The following DIS3L2 variants were observed in gnomAD, a reference collection of about 807,000 sequenced individuals.
DIS3L2 encodes the protein DIS3-like exonuclease 2.
In DIS3L2, 34 loss-of-function variants were observed where a neutral mutation model predicts 97.5. The ratio of observed to expected loss-of-function variants is 0.35; its 90% CI spans 0.27 to 0.46. DIS3L2 has a LOEUF of 0.46. Ranked by LOEUF, DIS3L2 falls within the 20% of genes least tolerant of loss-of-function variation. The probability of loss-of-function intolerance (pLI) is 1.00; values close to 1 mark genes in which losing one functional copy is unlikely to be tolerated. For missense variants in DIS3L2, 1,038 were observed against 1,146.0 expected (o/e 0.91, Z 1.36); for synonymous variants, 435 against 445.2 (o/e 0.98, Z 0.29).
In DIS3L2 at chr2:232,218,423, G is replaced by A. The variant is rs562578600; in HGVS notation, c.1204+8018G>A. Among the ~76,000 whole-genome samples, 136 of 152,294 alleles carry A rather than the reference G, an allele frequency of 8.9e-4. 2 individuals carry two copies. Among genetic ancestry groups the A allele is most frequent in the African/African-American group, 3.0e-3 (126 of 41,554 alleles). Reference sequence around the variant, plus strand: ...TCTTCAGTAATTCTCAGCCTCCGAGGTGTGGGAACAGAGGTTGCAGTGATC... The same window carrying A: ...TCTTCAGTAATTCTCAGCCTCCGAGATGTGGGAACAGAGGTTGCAGTGATC... On this transcript the variant is annotated intron_variant, in intron 10 of 20. Transcript: ENST00000325385.
At chr2:232,266,533 G>A (rs1358141745) in intron 13 of DIS3L2, among the ~76,000 whole-genome samples, 5 of 152,142 alleles carry the variant, frequency 3.3e-5, no homozygotes, top group African/African-American at 9.7e-5. Context: ...TTGATTCCTT[G>A]GTTCCCCCGA....
intron 3 of DIS3L2, among the ~76,000 whole-genome samples, chr2:232,019,459 G>A (rs1694451976): frequency 6.6e-6 from 1 of 151,970 alleles, no homozygotes; most frequent in Admixed American, 6.6e-5. Flanking sequence ...GAGGCAGGAG[G>A]ATCGCTTGAG....
At chr2:232,294,684 C>T (rs1203584632) in intron 13 of DIS3L2, among the ~76,000 whole-genome samples, 1 of 152,180 alleles carries the variant, frequency 6.6e-6, no homozygotes, top group East Asian at 1.9e-4. Context: ...ACACTCCTCT[C>T]CTTGACCTCT....
At chr2:232,282,803 C>CGGACCA (rs1222042703) in intron 13 of DIS3L2, among the ~76,000 whole-genome samples, 1 of 152,208 alleles carries the variant, frequency 6.6e-6, no homozygotes. Flanking sequence ...CTGTGCTAAG[C>CGGACCA]AGAGAGCACT....
intron 1 of DIS3L2, chr2:231,978,387 C>G (rs865898598): frequency 1.3e-5 from 2 of 152,204 alleles, no homozygotes; most frequent in Non-Finnish European, 2.9e-5. Flanking sequence ...TGACACTAAT[C>G]AAATGGAATC....
chr2:232,330,551 T>A, intron 15 of DIS3L2, 139 bp from the exon 16 acceptor site: 402 of 733,476 alleles, frequency 5.5e-4, no homozygotes, highest in East Asian at 7.7e-4. Context: ...TCCCCACCCA[T>A]CCCCTCTGAG....
At chr2:231,964,738 C>T (rs1476206968) in intron 1 of DIS3L2, among the ~76,000 whole-genome samples, 1 of 152,146 alleles carries the variant, frequency 6.6e-6, no homozygotes, top group African/African-American at 2.4e-5. Flanking sequence ...CAGCATTATA[C>T]ACTTTAAAGG....
Position 232,292,272 on chromosome 2 carries a change from T to C in DIS3L2, c.1660-7768T>C, listed in dbSNP as rs1694624083. ...TTACCTAGGACATTGTTTCTGCCCC[T>C]AAGTTCTCCCTAAAGTGCCATCCCC... is the stretch of plus-strand genomic sequence containing the variant. On this transcript the variant is annotated intron_variant, in intron 13 of 20. Coordinates refer to ENST00000325385, the MANE Select transcript of DIS3L2 (RefSeq NM_152383.5). The surrounding 1 kb of genome is among the most constrained non-coding windows in gnomAD (Gnocchi z 4.4). Among the ~76,000 whole-genome samples the C allele has an allele frequency of 6.6e-6, 1 of 152,186 alleles. No homozygotes were observed. The highest frequency in any genetic ancestry group is 2.4e-5 in the African/African-American group (1 of 41,456).
Position 232,292,567 on chromosome 2 carries a change from C to T in DIS3L2, c.1660-7473C>T, listed in dbSNP as rs776158332. Among the ~76,000 whole-genome samples, 22 of 152,352 alleles carry T rather than the reference C, an allele frequency of 1.4e-4. No individual in the cohort carries two copies. Among genetic ancestry groups the T allele is most frequent in the Non-Finnish European group, 2.6e-4 (18 of 68,030 alleles). On this transcript the variant is annotated intron_variant, in intron 13 of 20. Coordinates refer to ENST00000325385, the MANE Select transcript of DIS3L2 (RefSeq NM_152383.5). The surrounding 1 kb of genome is among the most constrained non-coding windows in gnomAD (Gnocchi z 4.4). ...AACTCATCCAGGCTCCTAGAGCTCA[C>T]CCACGCGATTCTCTTAAGGCCAGTT...
chr2:232,193,207 C>T (rs1457896607), intron 9 of DIS3L2, among the ~76,000 whole-genome samples: 1 of 152,234 alleles, frequency 6.6e-6, no homozygotes, highest in African/African-American at 2.4e-5. Flanking sequence ...AATGTAAGGA[C>T]AGACAACCTA....
chr2:232,113,504 C>T (rs3100596), intron 6 of DIS3L2, among the ~76,000 whole-genome samples: 121,168 of 152,174 alleles, frequency 0.8, 48,821 homozygotes, highest in African/African-American at 0.89. Context: ...TCTTAGGGTC[C>T]ACACCTATTC....
At chr2:232,122,250 C>T (rs982533003) in intron 6 of DIS3L2, among the ~76,000 whole-genome samples, 7 of 152,188 alleles carry the variant, frequency 4.6e-5, no homozygotes. Flanking sequence ...TGTGTTTTAG[C>T]CCCTGTGGCA....
chr2:232,030,993 G>T (rs773942645), intron 5 of DIS3L2, among the ~76,000 whole-genome samples: 1 of 152,064 alleles, frequency 6.6e-6, no homozygotes, highest in Non-Finnish European at 1.5e-5. Context: ...GGGCTTTTAG[G>T]CTAGGCTACT....
At chr2:232,000,876 T>TTTTG (rs1553599773) in intron 1 of DIS3L2, among the ~76,000 whole-genome samples, 4 of 151,500 alleles carry the variant, frequency 2.6e-5, no homozygotes, top group South Asian at 2.1e-4. Flanking sequence ...TTCCTTTTTT[T>TTTTG]TTTGTTTGTT....
chr2:232,123,965 G>T (rs568571183), intron 6 of DIS3L2, among the ~76,000 whole-genome samples: 3 of 152,252 alleles, frequency 2.0e-5, no homozygotes, highest in East Asian at 3.9e-4. Context: ...TGGATATCTG[G>T]CAAAATCAAG....
At chr2:232,341,951 G>A (rs762956330), downstream of DIS3L2, among the ~76,000 whole-genome samples, 2 of 152,208 alleles carry the variant, frequency 1.3e-5, no homozygotes, top group East Asian at 1.9e-4. Flanking sequence ...AGCCAGGCCC[G>A]CTGAGGCCTC....
intron 14 of DIS3L2, 28 bp from the exon 15 acceptor site, chr2:232,329,785 T>TTCCCGGGGGG: frequency 1.0e-6 from 1 of 967,142 alleles, no homozygotes; most frequent in Non-Finnish European, 1.5e-6. Context: ...ACCCCAGCGG[T>TTCCCGGGGGG]CCCTCCCATC....
At chr2:232,088,472 G>C (rs1400512306) in intron 6 of DIS3L2, among the ~76,000 whole-genome samples, 113 of 151,162 alleles carry the variant, frequency 7.5e-4, no homozygotes, top group African/African-American at 2.6e-3. Flanking sequence ...TGAGGCAGGA[G>C]AATGGCGTGA....
chr2:232,316,071 C>T (rs749267761), intron 14 of DIS3L2, among the ~76,000 whole-genome samples: 3 of 152,280 alleles, frequency 2.0e-5, no homozygotes, highest in South Asian at 2.1e-4. Flanking sequence ...TCGGGGACCC[C>T]GCTCTCAGCA....
Sources: gnomAD v4.1 joint callset for allele counts (sites outside exome capture counted in the v4.1 genomes callset) on GRCh38, gnomAD v4.1.1 for gene constraint, Gnocchi (gnomAD v3.1) non-coding constraint, MANE v1.5 for transcripts, NCBI Gene and HGNC (gene_info 2026-07-23, HGNC 2026-07-21) for gene names.